The following DMD variants were observed in gnomAD, a reference collection of about 807,000 sequenced individuals.
DMD encodes the protein mutant dystrophin.
Under a neutral mutation model 330.1 loss-of-function variants are expected in DMD, and 63 were observed. That is an observed-to-expected ratio of 0.19 (90% CI 0.16 to 0.24). DMD has a LOEUF of 0.24. Among genes scored for constraint, DMD ranks in the 10% least tolerant of loss-of-function variants. The probability of loss-of-function intolerance (pLI) is 1.00; values close to 1 mark genes in which losing one functional copy is unlikely to be tolerated. For missense variants in DMD, 3,344 were observed against 2,684.1 expected (o/e 1.25, Z -5.43); for synonymous variants, 1,223 against 959.8 (o/e 1.27, Z -5.07).
At chrX:32,606,840 A>G (rs887138759) in intron 12 of DMD, among the ~76,000 whole-genome samples, 2 of 108,916 alleles carry the variant, frequency 1.8e-5, no homozygotes, top group African/African-American at 6.6e-5. Flanking sequence ...TTGCAGTTAC[A>G]TGAATAGGAA....
intron 7 of DMD, among the ~76,000 whole-genome samples, chrX:32,739,937 C>A (rs1370492678): frequency 9.1e-6 from 1 of 110,143 alleles, no homozygotes; most frequent in Non-Finnish European, 1.9e-5. Flanking sequence ...TTTGAGAACC[C>A]TTGTTTTAAG....
At chrX:32,969,027 CAAAAAAAA>C (rs142087164) in intron 2 of DMD, among the ~76,000 whole-genome samples, 31 of 19,824 alleles carry the variant, frequency 1.6e-3, no homozygotes, top group South Asian at 0.011. Flanking sequence ...GATTCTGTCT[CAAAAAAAA>C]AAAAAAAAAA....
chrX:32,551,581 A>T (rs1237651216), intron 16 of DMD, among the ~76,000 whole-genome samples: 1 of 111,789 alleles, frequency 8.9e-6, no homozygotes, highest in African/African-American at 3.2e-5. Flanking sequence ...CTGGCATAAG[A>T]CAAGGGGGCC....
At chrX:32,242,931 C>T (rs893902692) in intron 43 of DMD, among the ~76,000 whole-genome samples, 2 of 81,668 alleles carry the variant, frequency 2.4e-5, no homozygotes, top group African/African-American at 9.5e-5. Flanking sequence ...AGCAAAGGAA[C>T]GCAAAGGAAA....
chrX:31,681,233 C>G (rs2082363711), intron 52 of DMD, among the ~76,000 whole-genome samples: 1 of 112,177 alleles, frequency 8.9e-6, no homozygotes, highest in Admixed American at 9.5e-5. Flanking sequence ...AATATCTTAG[C>G]TGGACATACG....
At chrX:32,178,830 G>GGTGTGTGTGGGTGT (rs2096915529) in intron 44 of DMD, among the ~76,000 whole-genome samples, 2 of 99,176 alleles carry the variant, frequency 2.0e-5, no homozygotes, top group Non-Finnish European at 4.0e-5. Context: ...TATTCCAGGG[G>GGTGTGTGTGGGTGT]GTGTGTGTGT....
chrX:32,238,926 A>G (rs1700922611), intron 43 of DMD, among the ~76,000 whole-genome samples: 1 of 111,847 alleles, frequency 8.9e-6, no homozygotes. Context: ...AAGAAAACTG[A>G]TGTTGTCACT....
At chrX:31,679,851 T>A (rs1404530646) in intron 52 of DMD, among the ~76,000 whole-genome samples, 3 of 111,977 alleles carry the variant, frequency 2.7e-5, no homozygotes, top group African/African-American at 9.7e-5. Flanking sequence ...TAGAACCAAA[T>A]ATGAATCATC....
chrX:31,985,926 A>G (rs1569527752), intron 44 of DMD, among the ~76,000 whole-genome samples: 1 of 112,178 alleles, frequency 8.9e-6, no homozygotes, highest in Admixed American at 9.5e-5. Context: ...CGGGAGATGC[A>G]CAAAGAAGAA....
intron 48 of DMD, among the ~76,000 whole-genome samples, chrX:31,837,151 T>G: frequency 8.9e-6 from 1 of 112,393 alleles, no homozygotes; most frequent in East Asian, 2.8e-4. Flanking sequence ...TTAGCTACAA[T>G]AATCTCAATA....
chrX:32,958,043 T>C (rs1302628938), intron 2 of DMD, among the ~76,000 whole-genome samples: 1 of 111,991 alleles, frequency 8.9e-6, no homozygotes, highest in Non-Finnish European at 1.9e-5. Flanking sequence ...TTTGGAACCA[T>C]TATATGTATA....
At chrX:31,527,100 G>A (rs1444263026) in intron 55 of DMD, among the ~76,000 whole-genome samples, 1 of 111,208 alleles carries the variant, frequency 9.0e-6, no homozygotes, top group African/African-American at 3.3e-5. Flanking sequence ...GGGTGACAGG[G>A]TATGACCCTG....
At chrX:33,314,892 C>T (rs914102240) in intron 1 of DMD, among the ~76,000 whole-genome samples, 261 of 110,822 alleles carry the variant, frequency 2.4e-3, no homozygotes, top group African/African-American at 8.1e-3. Flanking sequence ...GATCTTGGCT[C>T]ACTACAACTT....
chrX:32,748,397 C>T (rs1450736933), intron 7 of DMD, among the ~76,000 whole-genome samples: 4 of 108,093 alleles, frequency 3.7e-5, no homozygotes, highest in Non-Finnish European at 5.7e-5. Context: ...AGGAAAACTG[C>T]GAGGGTGGGG....
intron 67 of DMD, among the ~76,000 whole-genome samples, chrX:31,185,774 GT>G (rs58100460): frequency 0.031 from 3,061 of 100,023 alleles, 99 homozygotes; most frequent in East Asian, 0.14. Flanking sequence ...TATGTTTTTT[GT>G]TTTTTTTTTT....
intron 50 of DMD, among the ~76,000 whole-genome samples, chrX:31,781,426 T>A (rs909743145): frequency 8.9e-6 from 1 of 112,278 alleles, no homozygotes; most frequent in African/African-American, 3.2e-5. Flanking sequence ...ATATATCTAA[T>A]ATCCATTTTA....
rs561489306 is a variant in DMD, at chrX:31,493,534, C to T, written c.8547+3254G>A. ...TTTAAAGCCCCACATAAGAGGGACA[C>T]GCAGAATTGGAAAAAGTAAATGGAG... On this transcript the variant is annotated intron_variant, in intron 57 of 78. Transcript: ENST00000357033. 6.2e-4 allele frequency among the ~76,000 whole-genome samples: 69 copies of T among 111,475 alleles called. No homozygotes were observed. In the South Asian group the frequency reaches 0.023, roughly 37 times the overall value.
chrX:32,642,900 C>A (rs2059559320), intron 11 of DMD, among the ~76,000 whole-genome samples: 1 of 111,136 alleles, frequency 9.0e-6, no homozygotes, highest in Admixed American at 9.6e-5. Context: ...TCAAAACTTT[C>A]TAATTTTGTT....
chrX:31,890,554 A>G (rs1180360304), intron 47 of DMD, among the ~76,000 whole-genome samples: 1 of 110,817 alleles, frequency 9.0e-6, no homozygotes, highest in Non-Finnish European at 1.9e-5. Context: ...ACTCATTATA[A>G]AAAAGTTATC....
Sources: allele counts gnomAD v4.1 joint callset (sites outside exome capture counted in the v4.1 genomes callset), GRCh38; gene constraint gnomAD v4.1.1; transcripts MANE v1.5; gene names NCBI Gene and HGNC (gene_info 2026-07-23, HGNC 2026-07-21).